Variants in SLC12A8 observed in about 807,000 individuals in gnomAD.
SLC12A8 encodes cation-chloride cotransporter 9.
SLC12A8 carries 69 observed loss-of-function variants against 75.6 expected under a neutral mutation model. The observed-to-expected ratio is 0.91, with a 90% confidence interval of 0.75 to 1.11. SLC12A8 has a LOEUF of 1.11. Among genes scored for constraint, SLC12A8 ranks in the 50% most tolerant of loss-of-function variants. The pLI is 0.00. For missense variants in SLC12A8, 877 were observed against 896.7 expected (o/e 0.98, Z 0.28); for synonymous variants, 365 against 372.8 (o/e 0.98, Z 0.24).
intron 2 of SLC12A8, among the ~76,000 whole-genome samples, chr3:125,196,606 T>C (rs1007565490): frequency 1.3e-5 from 2 of 152,188 alleles, no homozygotes; most frequent in Non-Finnish European, 2.9e-5. Context: ...TACATATTTA[T>C]ATTTACATTC....
chr3:125,207,862 C>T (rs531187247), intron 2 of SLC12A8, among the ~76,000 whole-genome samples: 5 of 152,328 alleles, frequency 3.3e-5, no homozygotes, highest in South Asian at 4.1e-4. Flanking sequence ...TGTGTGCGAT[C>T]GGCTTCATCC....
At chr3:125,200,099 C>A (rs1935091146) in intron 2 of SLC12A8, among the ~76,000 whole-genome samples, 1 of 152,178 alleles carries the variant, frequency 6.6e-6, no homozygotes, top group Non-Finnish European at 1.5e-5. Flanking sequence ...CTTTTCATTT[C>A]ATGTCATGCT....
At chr3:125,121,894 C>T (rs1020121280) in intron 6 of SLC12A8, among the ~76,000 whole-genome samples, 1 of 152,190 alleles carries the variant, frequency 6.6e-6, no homozygotes, top group Non-Finnish European at 1.5e-5. Flanking sequence ...GGTGCATATA[C>T]TGTCACCCAG....
At chr3:125,106,325 G>A (rs1403719618) in intron 10 of SLC12A8, among the ~76,000 whole-genome samples, 2 of 151,786 alleles carry the variant, frequency 1.3e-5, no homozygotes, top group East Asian at 1.9e-4. Flanking sequence ...AGGTTTCTGG[G>A]AGAACTTAAA....
intron 2 of SLC12A8, among the ~76,000 whole-genome samples, chr3:125,198,674 T>G (rs1470535979): frequency 1.3e-5 from 2 of 152,118 alleles, no homozygotes; most frequent in Non-Finnish European, 2.9e-5. Flanking sequence ...AAGGGTCATG[T>G]ATGATCCTGG....
intron 2 of SLC12A8, among the ~76,000 whole-genome samples, chr3:125,205,586 G>C (rs1386232116): frequency 6.6e-6 from 1 of 152,190 alleles, no homozygotes; most frequent in East Asian, 1.9e-4. Context: ...CATATGAAAT[G>C]CTTCCGCCGC....
At chr3:125,133,170 A>G (rs1933401023) in intron 6 of SLC12A8, among the ~76,000 whole-genome samples, 1 of 152,142 alleles carries the variant, frequency 6.6e-6, no homozygotes, top group South Asian at 2.1e-4. Context: ...TGCTATAAGG[A>G]AAAGTGGGAT....
chr3:125,116,345 C>A lies in SLC12A8; in HGVS notation c.912+2424G>T, dbSNP rs149976802. Among the ~76,000 whole-genome samples, 244 of 152,350 alleles carry A rather than the reference C, an allele frequency of 1.6e-3. 1 individual carries two copies. Among genetic ancestry groups the A allele is most frequent in the African/African-American group, 5.7e-3 (237 of 41,576 alleles). On this transcript the variant is annotated intron_variant, in intron 8 of 13. Transcript: ENST00000469902. The stretch of plus-strand genomic sequence containing the variant: ...TCCAGGGAATGGTCTCTTGTCCTCT[C>A]CGAAAACTAAATCTCCACATTTCAT...
chr3:125,175,411 T>TCCTC (rs2107786814), intron 5 of SLC12A8, among the ~76,000 whole-genome samples: 1 of 152,186 alleles, frequency 6.6e-6, no homozygotes, highest in East Asian at 1.9e-4. Context: ...AGCCAGTTGC[T>TCCTC]ATGGGAATGA....
chr3:125,151,010 C>T (rs182266733), intron 5 of SLC12A8: 18 of 152,184 alleles, frequency 1.2e-4, no homozygotes, highest in East Asian at 1.9e-4. Flanking sequence ...CTGATACACA[C>T]GCAAGTATCA....
intron 5 of SLC12A8, among the ~76,000 whole-genome samples, chr3:125,141,363 C>A (rs2107764721): frequency 6.6e-6 from 1 of 152,308 alleles, no homozygotes; most frequent in Non-Finnish European, 1.5e-5. Context: ...CCAAGGGGTG[C>A]TCGTGGGAGC....
intron 9 of SLC12A8, among the ~76,000 whole-genome samples, chr3:125,109,294 A>T: frequency 6.6e-6 from 1 of 152,206 alleles, no homozygotes; most frequent in East Asian, 1.9e-4. Context: ...TTATACTGAC[A>T]ACTTCCAAAT....
chr3:125,176,635 AC>A (rs1934534658), intron 5 of SLC12A8, among the ~76,000 whole-genome samples: 1 of 152,212 alleles, frequency 6.6e-6, no homozygotes, highest in Admixed American at 6.5e-5. Context: ...CAAGAAAAAA[AC>A]AAACAACCCT....
chr3:125,168,708 G>T (rs1308792559), intron 5 of SLC12A8, among the ~76,000 whole-genome samples: 1 of 152,176 alleles, frequency 6.6e-6, no homozygotes, highest in African/African-American at 2.4e-5. Context: ...AATGAGTCAA[G>T]GTCCTGGGGT....
chr3:125,190,649 G>A, intron 2 of SLC12A8, 128 bp from the exon 3 acceptor site: 2 of 1,077,074 alleles, frequency 1.9e-6, no homozygotes, highest in South Asian at 1.4e-5. Context: ...TTGTGCCAGG[G>A]CAAGTGTGTG....
At chr3:125,123,539 T>C (rs1323024035) in intron 6 of SLC12A8, 3 of 152,170 alleles carry the variant, frequency 2.0e-5, no homozygotes, top group African/African-American at 7.2e-5. Context: ...CAGTTCCACA[T>C]GGCTGAGGAG....
Position 125,177,924 on chromosome 3 carries a change from A to T in SLC12A8, c.441T>A (p.Asp147Glu). 6.2e-7 allele frequency: 1 copy of T among 1,614,088 alleles called. No individual in the cohort carries two copies. The highest frequency in any genetic ancestry group is 8.5e-7 in the Non-Finnish European group (1 of 1,179,988). The change falls in exon 5 of 14, where the codon GAT becomes GAA. Residue 147 changes from aspartate (D) to glutamate (E), a missense_variant. Coordinates refer to ENST00000469902, the MANE Select transcript of SLC12A8 (RefSeq NM_024628.6). ...CCCAGATATTCCCGAGGCCCAGCAA[A>T]TCCGAGATGGATTCAGCAAAGCCGG... ...YITGFAESIS[D>E]LLGLGNIWAV...
At chr3:125,135,256 A>G (rs1426057530) in intron 6 of SLC12A8, among the ~76,000 whole-genome samples, 1 of 152,212 alleles carries the variant, frequency 6.6e-6, no homozygotes, top group Non-Finnish European at 1.5e-5. Flanking sequence ...GGAAGTTTCG[A>G]TTCCAGGTAT....
intron 3 of SLC12A8, among the ~76,000 whole-genome samples, chr3:125,188,941 T>C (rs1934853849): frequency 6.6e-6 from 1 of 152,346 alleles, no homozygotes; most frequent in Middle Eastern, 3.4e-3. Flanking sequence ...CTAAGAATCC[T>C]GTACATCCCA....
Sources: gnomAD v4.1 joint callset for allele counts (sites outside exome capture counted in the v4.1 genomes callset) on GRCh38, gnomAD v4.1.1 for gene constraint, MANE v1.5 for transcripts, NCBI Gene and HGNC (gene_info 2026-07-23, HGNC 2026-07-21) for gene names.